Variants in RNF24 observed in about 807,000 individuals in gnomAD.
RNF24 encodes the protein ring finger protein 24.
A neutral mutation model predicts 20.0 loss-of-function variants in RNF24; 14 were observed. That is an observed-to-expected ratio of 0.70 (90% CI 0.46 to 1.10). The LOEUF is 1.10. Among genes scored for constraint, RNF24 ranks in the 50% least tolerant of loss-of-function variants. The probability of loss-of-function intolerance (pLI) is 0.00; values close to 1 mark genes in which losing one functional copy is unlikely to be tolerated. For synonymous variants in RNF24, 45 were observed against 61.1 expected (o/e 0.74, Z 1.23); for missense variants, 124 against 177.6 (o/e 0.70, Z 1.71).
chr20:3,981,613 C>A (rs548299075), intron 1 of RNF24, among the ~76,000 whole-genome samples: 1 of 151,684 alleles, frequency 6.6e-6, no homozygotes, highest in Admixed American at 6.6e-5. Flanking sequence ...TCAATCAATA[C>A]TCCTGCCTCA....
In RNF24 at chr20:3,928,892, C is replaced by T. The variant is rs1333003811; in HGVS notation, c.*5171G>A. The T allele has an allele frequency of 1.3e-5, 2 of 151,264 alleles. No homozygotes were observed. The highest frequency in any genetic ancestry group is 2.1e-4 in the South Asian group (1 of 4,804). 9.4% of individuals were successfully genotyped at this position (151,264 alleles called of 1,614,324 possible). A position where few individuals can be genotyped will look rare whatever the true frequency, so the allele number is the denominator to read the frequency against. The stretch of plus-strand genomic sequence containing the variant: ...TTGAGACGGAGTCTCGCTCTGTTGC[C>T]CAGGCTGGAGTGCAGTGGGGATCTT... On this transcript the variant is annotated 3_prime_UTR_variant, in exon 6 of 6. Coordinates refer to ENST00000358395, the MANE Select transcript of RNF24 (RefSeq NM_001134337.3).
At chr20:3,947,189 T>A (rs2091029486) in intron 3 of RNF24, among the ~76,000 whole-genome samples, 1 of 151,148 alleles carries the variant, frequency 6.6e-6, no homozygotes, top group African/African-American at 2.5e-5. Flanking sequence ...CGAGACTCCG[T>A]CTCAAAAACA....
chr20:3,936,982 G>A (rs768525138), intron 4 of RNF24, among the ~76,000 whole-genome samples: 36 of 152,048 alleles, frequency 2.4e-4, no homozygotes, highest in African/African-American at 6.5e-4. Flanking sequence ...GACTACAGGT[G>A]CATGCCAACC....
At chr20:3,984,417 C>T (rs1275945306) in intron 1 of RNF24, among the ~76,000 whole-genome samples, 2 of 152,094 alleles carry the variant, frequency 1.3e-5, no homozygotes, top group East Asian at 3.8e-4. Context: ...GCAGCACCTC[C>T]GGTGGATATC....
Position 3,933,111 on chromosome 20 carries a change from C to A in RNF24, c.*952G>T, listed in dbSNP as rs1600613083. On this transcript the variant is annotated 3_prime_UTR_variant, in exon 6 of 6. Coordinates refer to ENST00000358395, the MANE Select transcript of RNF24 (RefSeq NM_001134337.3). Reference sequence around the variant, plus strand: ...TTCTGAAGTAGAAAGAGAGATAGGGCAAGAGAGAGAAGAGATGGAAGGAGG... The same window carrying A: ...TTCTGAAGTAGAAAGAGAGATAGGGAAAGAGAGAGAAGAGATGGAAGGAGG... 1 of 287,966 alleles carries A rather than the reference C, an allele frequency of 3.5e-6. No homozygotes were observed. The highest frequency in any genetic ancestry group is 2.8e-5 in the African/African-American group (1 of 35,410). The allele number at this position is 287,966 out of a possible 1,614,324, so 17.8% of individuals were successfully genotyped here.
At chr20:3,972,184 A>G (rs1255880988) in intron 1 of RNF24, among the ~76,000 whole-genome samples, 1 of 152,202 alleles carries the variant, frequency 6.6e-6, no homozygotes, top group Non-Finnish European at 1.5e-5. Flanking sequence ...AGATATAAAG[A>G]AATCTATAAT....
chr20:3,991,282 C>T (rs1229058631), intron 1 of RNF24, among the ~76,000 whole-genome samples: 1 of 133,552 alleles, frequency 7.5e-6, no homozygotes, highest in African/African-American at 2.9e-5. Flanking sequence ...GATGGAGTCT[C>T]GCTCTGCCGC....
chr20:3,996,756 C>T lies in RNF24; in HGVS notation c.-8+18681G>A, dbSNP rs140888592. On this transcript the variant is annotated intron_variant, in intron 1 of 5. Transcript: ENST00000358395. Reference sequence around the variant, plus strand: ...AGGTGCCTTCTATCTTCTGCTTCATCCCTTTCTCCATCCTGTACCTGCAAT... The same window carrying T: ...AGGTGCCTTCTATCTTCTGCTTCATTCCTTTCTCCATCCTGTACCTGCAAT... 4.6e-5 allele frequency among the ~76,000 whole-genome samples: 7 copies of T among 152,228 alleles called. No individual in the cohort carries two copies. In the East Asian group the frequency reaches 1.4e-3, roughly 29 times the overall value.
intron 1 of RNF24, among the ~76,000 whole-genome samples, chr20:4,001,679 G>C (rs780735453): frequency 6.6e-6 from 1 of 152,182 alleles, no homozygotes; most frequent in East Asian, 1.9e-4. Context: ...AATCACGCCC[G>C]TAGCCCAGCA....
rs555926405 is a variant in RNF24, at chr20:3,968,861, G to A, written c.-7-4837C>T. Among the ~76,000 whole-genome samples, 58 of 151,984 alleles carry A rather than the reference G, an allele frequency of 3.8e-4. No homozygotes were observed. The South Asian group carries it at 0.012, about 30-fold the overall frequency. On this transcript the variant is annotated intron_variant, in intron 1 of 5. Coordinates refer to ENST00000358395, the MANE Select transcript of RNF24 (RefSeq NM_001134337.3). ...AAGACCTATATTTGGACAGATCCTA[G>A]TAAAATTTCTGAATTCTAGGATAGA...
At chr20:3,999,285 C>A (rs1981179750) in intron 1 of RNF24, among the ~76,000 whole-genome samples, 1 of 152,156 alleles carries the variant, frequency 6.6e-6, no homozygotes, top group South Asian at 2.1e-4. Flanking sequence ...TCACTAACAA[C>A]CATGACATTA....
chr20:3,991,938 A>G (rs1232152464), intron 1 of RNF24, among the ~76,000 whole-genome samples: 9 of 148,088 alleles, frequency 6.1e-5, no homozygotes, highest in South Asian at 2.2e-4. Context: ...ACACACACAC[A>G]CGCACACACA....
rs1048334624 is a variant in RNF24, at chr20:3,952,467, G to A, written c.144-4188C>T. Among the ~76,000 whole-genome samples the A allele has an allele frequency of 2.0e-5, 3 of 151,726 alleles. No individual in the cohort carries two copies. The South Asian group carries it at 6.2e-4, about 32-fold the overall frequency. ...AAATAGTTTCTCTGTAAAAACTTTT[G>A]GATTTTTTAATGTACACAATTATGT... On this transcript the variant is annotated intron_variant, in intron 2 of 5. Transcript: ENST00000358395.
chr20:3,954,671 G>A (rs1263643654), intron 2 of RNF24, among the ~76,000 whole-genome samples: 1 of 152,068 alleles, frequency 6.6e-6, no homozygotes, highest in Non-Finnish European at 1.5e-5. Context: ...TTGGGAGGCT[G>A]AGGCAGGTGG....
In RNF24 at chr20:4,005,184, T is replaced by G. The variant is rs1042064131; in HGVS notation, c.-8+10253A>C. ...CAGGTTACTTCTTTGACATTTAGTT[T>G]GTCATCCATAAACAACTCTTTGAGG... On this transcript the variant is annotated intron_variant, in intron 1 of 5. Coordinates refer to ENST00000358395, the MANE Select transcript of RNF24 (RefSeq NM_001134337.3). Among the ~76,000 whole-genome samples the G allele has an allele frequency of 3.3e-5, 5 of 151,968 alleles. No individual in the cohort carries two copies. In the East Asian group the frequency reaches 9.7e-4, roughly 29 times the overall value.
intron 1 of RNF24, chr20:4,015,123 G>C (rs911333100): frequency 2.0e-5 from 3 of 152,474 alleles, no homozygotes; most frequent in African/African-American, 4.8e-5. Context: ...TGGGCGAGCA[G>C]GACGTGCGGG....
At chr20:4,003,004 C>CT (rs1981539327) in intron 1 of RNF24, among the ~76,000 whole-genome samples, 1 of 152,200 alleles carries the variant, frequency 6.6e-6, no homozygotes, top group Non-Finnish European at 1.5e-5. Flanking sequence ...CAGTCTCACT[C>CT]TGTCACCCAA....
intron 1 of RNF24, among the ~76,000 whole-genome samples, chr20:3,981,592 A>T: frequency 6.7e-6 from 1 of 148,656 alleles, no homozygotes; most frequent in African/African-American, 2.5e-5. Context: ...TGCAACCTCC[A>T]CCTCCCAGGT....
Position 3,970,275 on chromosome 20 carries a change from A to G in RNF24, c.-7-6251T>C, listed in dbSNP as rs544742573. On this transcript the variant is annotated intron_variant, in intron 1 of 5. Coordinates refer to ENST00000358395, the MANE Select transcript of RNF24 (RefSeq NM_001134337.3). ...CCCCCCATGTCAATAAAGGCTAAAT[A>G]GGGAACCTGGACTTCTACCTTTACC... Among the ~76,000 whole-genome samples, 3 of 152,280 alleles carry G rather than the reference A, an allele frequency of 2.0e-5. No individual in the cohort carries two copies. In the East Asian group the frequency reaches 5.8e-4, roughly 29 times the overall value.
Sources: allele counts gnomAD v4.1 joint callset (sites outside exome capture counted in the v4.1 genomes callset), GRCh38; gene constraint gnomAD v4.1.1; transcripts MANE v1.5; gene names NCBI Gene and HGNC (gene_info 2026-07-23, HGNC 2026-07-21).